Variants in GRB14 observed in about 807,000 individuals in gnomAD.
The protein encoded by GRB14 is growth factor receptor bound protein 14, also known as growth factor receptor-bound protein 14.
In GRB14, 38 loss-of-function variants were observed where a neutral mutation model predicts 69.1. That is an observed-to-expected ratio of 0.55 (90% CI 0.42 to 0.72). The LOEUF is 0.72. Ranked by LOEUF, GRB14 falls within the 30% of genes least tolerant of loss-of-function variation. The pLI is 0.00. For synonymous variants in GRB14, 247 were observed against 241.3 expected, an observed-to-expected ratio of 1.02 and a Z score of -0.22; for missense variants, 666 against 666.1, an observed-to-expected ratio of 1.00 and a Z score of 0.00.
In GRB14 at chr2:164,492,783, A is replaced by T. The variant is rs551154724; in HGVS notation, c.*253T>A. On this transcript the variant is annotated 3_prime_UTR_variant, in exon 14 of 14. Transcript: ENST00000263915. ...GCATATTTGAAGAAAATATTATAGC[A>T]ATGTAAAAATCACACAAGAACACAC... The T allele has an allele frequency of 4.1e-4, 132 of 323,656 alleles. No homozygotes were observed. Among genetic ancestry groups the T allele is most frequent in the Middle Eastern group, 8.3e-4 (1 of 1,202 alleles). The allele number at this position is 323,656 out of a possible 1,614,324, so 20.0% of individuals were successfully genotyped here.
At chr2:164,538,075 C>T (rs1181917170) in intron 3 of GRB14, among the ~76,000 whole-genome samples, 2 of 151,602 alleles carry the variant, frequency 1.3e-5, no homozygotes, top group African/African-American at 4.8e-5. Context: ...CACTGTGCAT[C>T]GCTTCTGTCT....
In GRB14 at chr2:164,573,709, T is replaced by C. The variant is rs1689174106; in HGVS notation, c.325-25893A>G. ...GTTGCCCAGTTAGGAGCCTCTGACC[T>C]GCTATTCTAATTAAGTTTCTTCTCA... On this transcript the variant is annotated intron_variant, in intron 2 of 13. Coordinates refer to ENST00000263915, the MANE Select transcript of GRB14 (RefSeq NM_004490.3). The C allele has an allele frequency of 3.1e-6, 5 of 1,601,228 alleles. No homozygotes were observed. In the South Asian group the frequency reaches 5.5e-5, roughly 18 times the overall value.
At chr2:164,558,860 G>T (rs1032580955) in intron 2 of GRB14, among the ~76,000 whole-genome samples, 3 of 152,172 alleles carry the variant, frequency 2.0e-5, no homozygotes, top group African/African-American at 4.8e-5. Context: ...GGTGGAGAAA[G>T]ATACTGTTTG....
At position 164,543,657 on chromosome 2, in the gene GRB14, C is replaced by A. The variant is rs539741126; in HGVS notation, c.481+4003G>T. Reference sequence around the variant, plus strand: ...AGAAGACTTGCAGTAAAGATGTCAGCGGTTTATTCTGTTAACAAAGAGTAT... The same window carrying A: ...AGAAGACTTGCAGTAAAGATGTCAGAGGTTTATTCTGTTAACAAAGAGTAT... On this transcript the variant is annotated intron_variant, in intron 3 of 13. Coordinates refer to ENST00000263915, the MANE Select transcript of GRB14 (RefSeq NM_004490.3). Among the ~76,000 whole-genome samples, 3 of 151,920 alleles carry A rather than the reference C, an allele frequency of 2.0e-5. No homozygotes were observed. The East Asian group carries it at 5.8e-4, about 29-fold the overall frequency.
chr2:164,615,794 A>T (rs1472260189), intron 2 of GRB14, among the ~76,000 whole-genome samples: 1 of 152,170 alleles, frequency 6.6e-6, no homozygotes, highest in Non-Finnish European at 1.5e-5. Flanking sequence ...GAGCTACTAC[A>T]CAGGCTATGT....
chr2:164,621,475 C>A lies in GRB14; in HGVS notation c.-166G>T. On this transcript the variant is annotated 5_prime_UTR_variant, in exon 1 of 14. Transcript: ENST00000263915. The surrounding 1 kb of genome is among the most constrained non-coding windows in gnomAD (Gnocchi z 6.0). ...CCGGCGGCTGAGACGCGCGGCCGAGCTATCTGCGAGGCGGCGGGGGAGGGG... is the reference window on the plus strand; with the variant it reads ...CCGGCGGCTGAGACGCGCGGCCGAGATATCTGCGAGGCGGCGGGGGAGGGG... 5.4e-6 allele frequency: 1 copy of A among 184,742 alleles called. No homozygotes were observed. The allele number at this position is 184,742 out of a possible 1,614,324, so 11.4% of individuals were successfully genotyped here.
At chr2:164,531,068 T>C (rs1244766751) in intron 3 of GRB14, among the ~76,000 whole-genome samples, 1 of 152,076 alleles carries the variant, frequency 6.6e-6, no homozygotes, top group African/African-American at 2.4e-5. Flanking sequence ...CACTGACAAA[T>C]TGGATATGGA....
intron 8 of GRB14, among the ~76,000 whole-genome samples, chr2:164,506,142 C>A (rs889157354): frequency 6.6e-6 from 1 of 152,170 alleles, no homozygotes; most frequent in Non-Finnish European, 1.5e-5. Context: ...AGAGTACCAG[C>A]CTCTTTATCT....
At chr2:164,617,725 C>G (rs374085116) in intron 2 of GRB14, among the ~76,000 whole-genome samples, 5 of 152,212 alleles carry the variant, frequency 3.3e-5, no homozygotes, top group Admixed American at 6.5e-5. Flanking sequence ...TACTTTCCTT[C>G]TGGTTCAGGC....
intron 3 of GRB14, among the ~76,000 whole-genome samples, chr2:164,533,382 G>A (rs900530418): frequency 1.3e-5 from 2 of 151,628 alleles, no homozygotes; most frequent in African/African-American, 4.8e-5. Flanking sequence ...ACAGGCACCC[G>A]CCACTGCGCC....
chr2:164,519,012 A>G (rs1478904245), intron 6 of GRB14, among the ~76,000 whole-genome samples: 4 of 152,114 alleles, frequency 2.6e-5, no homozygotes, highest in Non-Finnish European at 4.4e-5. Flanking sequence ...TCACCCCTAT[A>G]TCATTCTATG....
chr2:164,560,309 T>C (rs1688788936), intron 2 of GRB14, among the ~76,000 whole-genome samples: 2 of 152,234 alleles, frequency 1.3e-5, no homozygotes, highest in Admixed American at 1.3e-4. Context: ...AAAAAAAGAC[T>C]ATTTTTCTTC....
At chr2:164,570,956 A>G (rs1239672524) in intron 2 of GRB14, among the ~76,000 whole-genome samples, 1 of 152,214 alleles carries the variant, frequency 6.6e-6, no homozygotes, top group Non-Finnish European at 1.5e-5. Flanking sequence ...AAAATTATGA[A>G]GAGCAAAATT....
chr2:164,573,066 G>A (rs537126923), intron 2 of GRB14, among the ~76,000 whole-genome samples: 1 of 152,178 alleles, frequency 6.6e-6, no homozygotes, highest in African/African-American at 2.4e-5. Context: ...ATCACTCCCT[G>A]TTTTGTAATT....
intron 2 of GRB14, among the ~76,000 whole-genome samples, chr2:164,562,213 A>C (rs1293429743): frequency 1.3e-5 from 2 of 152,198 alleles, no homozygotes; most frequent in Non-Finnish European, 2.9e-5. Flanking sequence ...GCAACGTCTT[A>C]ATACTAGACC....
chr2:164,593,054 T>C (rs1023208080), intron 2 of GRB14, among the ~76,000 whole-genome samples: 1 of 152,244 alleles, frequency 6.6e-6, no homozygotes, highest in Non-Finnish European at 1.5e-5. Context: ...TAAAGTGCTT[T>C]CCTGTAAAGG....
intron 8 of GRB14, among the ~76,000 whole-genome samples, chr2:164,506,645 TA>T (rs1687196608): frequency 6.6e-6 from 1 of 152,170 alleles, no homozygotes; most frequent in South Asian, 2.1e-4. Flanking sequence ...CTCAAACAAA[TA>T]CATATACACA....
chr2:164,578,771 T>A (rs907464734), intron 2 of GRB14, among the ~76,000 whole-genome samples: 2 of 152,192 alleles, frequency 1.3e-5, no homozygotes, highest in African/African-American at 4.8e-5. Flanking sequence ...GCAGCACCTG[T>A]AAAAATCTTG....
intron 2 of GRB14, among the ~76,000 whole-genome samples, chr2:164,602,194 A>C (rs57587502): frequency 6.8e-6 from 1 of 147,744 alleles, no homozygotes; most frequent in African/African-American, 2.5e-5. Flanking sequence ...AGGGAAGGGA[A>C]GGGAGGGGAG....
Sources: allele counts gnomAD v4.1 joint callset (sites outside exome capture counted in the v4.1 genomes callset), GRCh38; gene constraint gnomAD v4.1.1; non-coding constraint Gnocchi (gnomAD v3.1); transcripts MANE v1.5; gene names NCBI Gene and HGNC (gene_info 2026-07-23, HGNC 2026-07-21).